The following TMEM135 variants were observed in gnomAD, a reference collection of about 807,000 sequenced individuals.
The protein encoded by TMEM135 is transmembrane protein 135, also known as peroxisomal membrane protein 52.
In TMEM135, 30 loss-of-function variants were observed where a neutral mutation model predicts 60.3. That is an observed-to-expected ratio of 0.50 (90% CI 0.37 to 0.68). TMEM135 has a LOEUF of 0.68. TMEM135 is among the 30% of genes least tolerant of loss of function. The pLI is 0.00. For synonymous variants in TMEM135, 190 were observed against 186.7 expected, an observed-to-expected ratio of 1.02 and a Z score of -0.14; for missense variants, 468 against 548.8, an observed-to-expected ratio of 0.85 and a Z score of 1.47.
intron 5 of TMEM135, among the ~76,000 whole-genome samples, chr11:87,229,744 G>T (rs1565494162): frequency 6.6e-6 from 1 of 152,064 alleles, no homozygotes; most frequent in Non-Finnish European, 1.5e-5. Flanking sequence ...AAATTGAAAA[G>T]TATATGTCTT....
At chr11:87,092,345 G>C (rs1857226443) in intron 4 of TMEM135, among the ~76,000 whole-genome samples, 1 of 152,118 alleles carries the variant, frequency 6.6e-6, no homozygotes, top group South Asian at 2.1e-4. Flanking sequence ...TGTGCGGTTG[G>C]GTCAGAGAAA....
chr11:87,204,148 T>A (rs968907711), intron 5 of TMEM135, among the ~76,000 whole-genome samples: 1 of 150,660 alleles, frequency 6.6e-6, no homozygotes, highest in African/African-American at 2.4e-5. Context: ...TCTCTGTCAC[T>A]CATTGATTTT....
intron 1 of TMEM135, among the ~76,000 whole-genome samples, chr11:87,043,158 T>C (rs1430475225): frequency 6.6e-6 from 1 of 151,666 alleles, no homozygotes; most frequent in East Asian, 1.9e-4. Context: ...TTTCTGCATG[T>C]TGGTCAGGTT....
At chr11:87,109,874 G>A (rs969681768) in intron 4 of TMEM135, among the ~76,000 whole-genome samples, 1 of 151,410 alleles carries the variant, frequency 6.6e-6, no homozygotes, top group Admixed American at 6.6e-5. Context: ...GTGTATTGGT[G>A]GATTTTAAAT....
intron 3 of TMEM135, among the ~76,000 whole-genome samples, chr11:87,082,524 G>A (rs966210101): frequency 2.6e-5 from 4 of 152,146 alleles, no homozygotes; most frequent in Non-Finnish European, 5.9e-5. Flanking sequence ...ATGATATGCT[G>A]GTGGAAATAG....
At chr11:87,202,850 G>T (rs1197133679) in intron 5 of TMEM135, among the ~76,000 whole-genome samples, 1 of 151,040 alleles carries the variant, frequency 6.6e-6, no homozygotes, top group Non-Finnish European at 1.5e-5. Flanking sequence ...GGCTAACACG[G>T]TGAAACCCCG....
chr11:87,269,687 T>C (rs1265732198), intron 6 of TMEM135, among the ~76,000 whole-genome samples: 1 of 151,536 alleles, frequency 6.6e-6, no homozygotes, highest in East Asian at 1.9e-4. Context: ...TCGTTTTTTA[T>C]GGCTGCATAG....
chr11:87,317,400 A>G (rs903738943), intron 12 of TMEM135, among the ~76,000 whole-genome samples: 3 of 152,134 alleles, frequency 2.0e-5, no homozygotes, highest in Non-Finnish European at 4.4e-5. Context: ...TTTCCAAAAT[A>G]GATTATAACT....
At chr11:87,155,786 A>C (rs1226467827) in intron 4 of TMEM135, among the ~76,000 whole-genome samples, 2 of 152,118 alleles carry the variant, frequency 1.3e-5, no homozygotes, top group Non-Finnish European at 2.9e-5. Context: ...GGGGATCTTT[A>C]AGTTGGTTGG....
In TMEM135 at chr11:87,225,056, C is replaced by T. The variant is rs150350559; in HGVS notation, c.463-11582C>T. On this transcript the variant is annotated intron_variant, in intron 5 of 14. Transcript: ENST00000305494. Reference sequence around the variant, plus strand: ...TAAATCTTGTTCATTGTATAGGTAACGAGCTTCTTAACACAGACTATATTT... The same window carrying T: ...TAAATCTTGTTCATTGTATAGGTAATGAGCTTCTTAACACAGACTATATTT... 2.0e-3 allele frequency among the ~76,000 whole-genome samples: 303 copies of T among 152,134 alleles called. 1 individual carries two copies. The highest frequency in any genetic ancestry group is 6.7e-3 in the African/African-American group (278 of 41,518).
intron 5 of TMEM135, among the ~76,000 whole-genome samples, chr11:87,185,817 T>C (rs1325878741): frequency 6.6e-6 from 1 of 152,182 alleles, no homozygotes; most frequent in Non-Finnish European, 1.5e-5. Flanking sequence ...TTTATAAAAA[T>C]CCTCAAAAGA....
intron 3 of TMEM135, among the ~76,000 whole-genome samples, chr11:87,073,061 G>A (rs1856800937): frequency 6.6e-6 from 1 of 151,940 alleles, no homozygotes; most frequent in South Asian, 2.1e-4. Context: ...TTTTGAGGTG[G>A]AGTCTCACTC....
intron 4 of TMEM135, among the ~76,000 whole-genome samples, chr11:87,135,346 A>T (rs1482681084): frequency 1.3e-5 from 2 of 152,072 alleles, no homozygotes; most frequent in Non-Finnish European, 2.9e-5. Flanking sequence ...TTCTTACTTC[A>T]TAGTTCTAGA....
In TMEM135 at chr11:87,321,320, C is replaced by T; in HGVS notation, c.1364C>T (p.Thr455Ile). ...RYTTVTPELP[T>I]EFS The stretch of plus-strand genomic sequence containing the variant: ...ACAACTGTAACACCAGAGTTGCCCA[C>T]AGAGTTTTCCTGAAGATGACTGTAA... Residue 455 changes from threonine to isoleucine, a missense_variant, in exon 15 of 15, where the codon ACA becomes ATA. Thr to Ile is a moderately conservative substitution (Grantham distance 89, BLOSUM62 -1). Transcript: ENST00000305494. 7 of 1,613,594 alleles carry T rather than the reference C, an allele frequency of 4.3e-6. No homozygotes were observed. Among genetic ancestry groups the T allele is most frequent in the Non-Finnish European group, 5.9e-6 (7 of 1,179,644 alleles).
intron 10 of TMEM135, 112 bp downstream of exon 10, chr11:87,309,784 A>G (rs1201758863): frequency 1.7e-6 from 2 of 1,199,376 alleles, no homozygotes; most frequent in Non-Finnish European, 2.4e-6. Context: ...TGGAATATTC[A>G]TACATATCTT....
chr11:87,188,092 AC>A (rs61332033), intron 5 of TMEM135, among the ~76,000 whole-genome samples: 21,140 of 151,850 alleles, frequency 0.14, 1,717 homozygotes, highest in African/African-American at 0.22. Flanking sequence ...CCCTTACAGA[AC>A]CCCCTTTGTT....
chr11:87,258,446 A>C (rs750262548), intron 6 of TMEM135, among the ~76,000 whole-genome samples: 2 of 152,092 alleles, frequency 1.3e-5, no homozygotes, highest in Non-Finnish European at 2.9e-5. Flanking sequence ...CATTGTGTGC[A>C]TGTCCCTCCC....
Position 87,152,142 on chromosome 11 carries a change from T to C in TMEM135, c.397-5199T>C, listed in dbSNP as rs775607257. ...ACAAATTAGCATGTCTTCTGACTCT[T>C]CAGAGAGTGAAATTGTAGCTACCTT... On this transcript the variant is annotated intron_variant, in intron 4 of 14. Transcript: ENST00000305494. Among the ~76,000 whole-genome samples the C allele has an allele frequency of 3.3e-5, 5 of 152,308 alleles. No homozygotes were observed. In the South Asian group the frequency reaches 1.0e-3, roughly 32 times the overall value.
At chr11:87,143,504 C>T (rs1039909988) in intron 4 of TMEM135, among the ~76,000 whole-genome samples, 32 of 151,950 alleles carry the variant, frequency 2.1e-4, no homozygotes, top group African/African-American at 7.7e-4. Context: ...AAGTTCTGCC[C>T]TCTGAAACTT....
Sources: gnomAD v4.1 joint callset for allele counts (sites outside exome capture counted in the v4.1 genomes callset) on GRCh38, gnomAD v4.1.1 for gene constraint, MANE v1.5 for transcripts, NCBI Gene and HGNC (gene_info 2026-07-23, HGNC 2026-07-21) for gene names.